The following MACROD2 variants were observed in gnomAD, a reference collection of about 807,000 sequenced individuals.
MACROD2 encodes the protein ADP-ribose glycohydrolase MACROD2.
In MACROD2, 36 loss-of-function variants were observed where a neutral mutation model predicts 70.4. The ratio of observed to expected loss-of-function variants is 0.51; its 90% CI spans 0.39 to 0.68. The LOEUF (loss-of-function observed/expected upper bound fraction) is 0.68, where lower values mean the gene tolerates loss of function less well. MACROD2 is among the 30% of genes least tolerant of loss of function. The pLI is 0.00. For missense variants in MACROD2, 496 were observed against 538.4 expected, an observed-to-expected ratio of 0.92 and a Z score of 0.78; for synonymous variants, 172 against 178.8, an observed-to-expected ratio of 0.96 and a Z score of 0.30.
chr20:14,395,446 C>T (rs539841451), intron 3 of MACROD2, among the ~76,000 whole-genome samples: 1 of 152,116 alleles, frequency 6.6e-6, no homozygotes, highest in Admixed American at 6.5e-5. Context: ...TGTCATTTCT[C>T]TCAGTACTAA....
intron 5 of MACROD2, among the ~76,000 whole-genome samples, chr20:15,123,504 A>G (rs962422755): frequency 6.6e-6 from 1 of 152,222 alleles, no homozygotes; most frequent in African/African-American, 2.4e-5. Flanking sequence ...GTATATAATA[A>G]TAATGTAGAT....
At chr20:15,626,956 T>TGA (rs762846817) in intron 8 of MACROD2, among the ~76,000 whole-genome samples, 4 of 151,814 alleles carry the variant, frequency 2.6e-5, no homozygotes, top group Non-Finnish European at 5.9e-5. Context: ...TTCTAAAGCA[T>TGA]GAGAGAGAGT....
intron 2 of MACROD2, among the ~76,000 whole-genome samples, chr20:14,042,521 C>CA (rs2053406314): frequency 6.6e-6 from 1 of 152,134 alleles, no homozygotes; most frequent in Non-Finnish European, 1.5e-5. Context: ...CTTTTTGAGA[C>CA]AGAGTCTCAC....
chr20:15,383,842 T>C (rs1480815334), intron 6 of MACROD2, among the ~76,000 whole-genome samples: 1 of 152,208 alleles, frequency 6.6e-6, no homozygotes, highest in African/African-American at 2.4e-5. Flanking sequence ...GCTTCCATAA[T>C]CCAAATCCAT....
chr20:14,617,614 A>G (rs889679726), intron 4 of MACROD2, among the ~76,000 whole-genome samples: 7 of 152,166 alleles, frequency 4.6e-5, no homozygotes, highest in African/African-American at 1.7e-4. Context: ...ATGATTATTC[A>G]TCATTAGAGT....
intron 3 of MACROD2, chr20:14,325,850 GAAC>G (rs549343549): frequency 1.2e-6 from 2 of 1,613,882 alleles, no homozygotes; most frequent in South Asian, 2.2e-5. Context: ...CCATTCCTAT[GAAC>G]ATACCAACAC....
rs982785540 is a variant in MACROD2 at position 15,765,737 on chromosome 20, A to G, written c.646-97008A>G. ...AAGAAAGGAATATGTCAAGATAGAC[A>G]TATCACAGAGATATATACACATGTG... On this transcript the variant is annotated intron_variant, in intron 8 of 17. Coordinates refer to ENST00000684519, the MANE Select transcript of MACROD2 (RefSeq NM_001351661.2). Among the ~76,000 whole-genome samples, 11 of 152,230 alleles carry G rather than the reference A, an allele frequency of 7.2e-5. No individual in the cohort carries two copies. In the East Asian group the frequency reaches 1.9e-3, roughly 27 times the overall value.
chr20:15,858,282 A>AT (rs1459821408), intron 8 of MACROD2, among the ~76,000 whole-genome samples: 2 of 104,502 alleles, frequency 1.9e-5, no homozygotes, highest in Non-Finnish European at 4.9e-5. Flanking sequence ...ACTGCCTAAC[A>AT]TTTAAAAAAA....
chr20:14,970,314 G>T (rs1421767508), intron 5 of MACROD2, among the ~76,000 whole-genome samples: 4 of 152,066 alleles, frequency 2.6e-5, no homozygotes, highest in African/African-American at 9.7e-5. Context: ...TATATCAATA[G>T]TATATATCGT....
At chr20:14,493,948 A>G (rs2084823240) in intron 4 of MACROD2, 2 of 152,128 alleles carry the variant, frequency 1.3e-5, no homozygotes, top group South Asian at 2.1e-4. Flanking sequence ...AGAGCTTAAT[A>G]TATCAGCCAC....
chr20:14,146,908 A>G (rs1006701425), intron 3 of MACROD2, among the ~76,000 whole-genome samples: 5 of 152,302 alleles, frequency 3.3e-5, no homozygotes, highest in African/African-American at 1.2e-4. Flanking sequence ...GAGCTAATAG[A>G]GAATACAGTG....
intron 5 of MACROD2, among the ~76,000 whole-genome samples, chr20:15,220,159 A>G (rs175272): frequency 0.28 from 42,265 of 151,996 alleles, 6,094 homozygotes; most frequent in African/African-American, 0.33. Context: ...TTTCAGCTCT[A>G]TAAAATGTAT....
intron 4 of MACROD2, among the ~76,000 whole-genome samples, chr20:14,537,122 A>T (rs1017657328): frequency 6.6e-6 from 1 of 152,116 alleles, no homozygotes; most frequent in African/African-American, 2.4e-5. Context: ...TCACTGGGAT[A>T]GTGGTTGGAA....
At chr20:15,905,638 T>C (rs1010890051) in intron 10 of MACROD2, among the ~76,000 whole-genome samples, 9 of 152,090 alleles carry the variant, frequency 5.9e-5, no homozygotes, top group African/African-American at 1.9e-4. Flanking sequence ...AGAGAAAGGG[T>C]TTATTTTGTC....
intron 3 of MACROD2, among the ~76,000 whole-genome samples, chr20:14,255,536 G>C (rs1025513826): frequency 2.0e-5 from 3 of 151,740 alleles, no homozygotes; most frequent in Admixed American, 6.6e-5. Context: ...GGCCTGTTGT[G>C]GGGTGGGGGC....
intron 8 of MACROD2, among the ~76,000 whole-genome samples, chr20:15,787,396 A>G (rs567596647): frequency 1.7e-4 from 26 of 152,258 alleles, no homozygotes; most frequent in African/African-American, 6.0e-4. Context: ...TTGGGGTACA[A>G]TGAATCCCAT....
intron 6 of MACROD2, among the ~76,000 whole-genome samples, chr20:15,312,082 A>G (rs2077759253): frequency 6.6e-6 from 1 of 152,254 alleles, no homozygotes; most frequent in African/African-American, 2.4e-5. Context: ...AATGAAAAAC[A>G]TGCATCATAG....
intron 5 of MACROD2, among the ~76,000 whole-genome samples, chr20:15,180,732 C>T (rs906571973): frequency 1.3e-5 from 2 of 152,220 alleles, no homozygotes; most frequent in African/African-American, 4.8e-5. Flanking sequence ...CTCAAGTGAT[C>T]CACCCGCCTT....
chr20:15,371,860 CACA>C (rs2045498634), intron 6 of MACROD2, among the ~76,000 whole-genome samples: 2 of 152,144 alleles, frequency 1.3e-5, no homozygotes, highest in South Asian at 4.1e-4. Context: ...TCTTCTCAAA[CACA>C]ACTACTCTTT....
Sources: gnomAD v4.1 joint callset for allele counts (sites outside exome capture counted in the v4.1 genomes callset) on GRCh38, gnomAD v4.1.1 for gene constraint, MANE v1.5 for transcripts, NCBI Gene and HGNC (gene_info 2026-07-23, HGNC 2026-07-21) for gene names.